MBD5: variants seen among roughly 807,000 people sequenced by gnomAD.
MBD5 encodes the protein methyl-CpG-binding domain protein 5.
Under a neutral mutation model 117.3 loss-of-function variants are expected in MBD5, and 13 were observed. That is an observed-to-expected ratio of 0.11 (90% CI 0.07 to 0.18). MBD5 has a LOEUF of 0.18. MBD5 is among the 10% of genes least tolerant of loss of function. The probability of loss-of-function intolerance (pLI) is 1.00; values close to 1 mark genes in which losing one functional copy is unlikely to be tolerated. For synonymous variants in MBD5, 727 were observed against 766.4 expected (o/e 0.95, Z 0.85); for missense variants, 1,879 against 2,093.8 (o/e 0.90, Z 2.00).
At chr2:148,337,205 A>G (rs1165660321) in intron 3 of MBD5, among the ~76,000 whole-genome samples, 3 of 152,112 alleles carry the variant, frequency 2.0e-5, no homozygotes, top group Non-Finnish European at 4.4e-5. Flanking sequence ...ATTTATTTGC[A>G]TGAGAAAACA....
chr2:148,321,023 A>G (rs1702269669), intron 3 of MBD5, among the ~76,000 whole-genome samples: 1 of 152,204 alleles, frequency 6.6e-6, no homozygotes. Context: ...GGAAACTAAA[A>G]AAATTTTTCA....
intron 4 of MBD5, among the ~76,000 whole-genome samples, chr2:148,434,786 C>G (rs114667889): frequency 0.014 from 2,185 of 152,116 alleles, 48 homozygotes; most frequent in African/African-American, 0.05. Flanking sequence ...GTCAAGAGTC[C>G]AGTTCAAGTT....
intron 4 of MBD5, among the ~76,000 whole-genome samples, chr2:148,404,709 A>G (rs1256043488): frequency 6.6e-6 from 1 of 152,112 alleles, no homozygotes; most frequent in Non-Finnish European, 1.5e-5. Flanking sequence ...CCTGCTGTCC[A>G]TTGTCTTAAA....
At chr2:148,364,605 C>T (rs776795921) in intron 4 of MBD5, among the ~76,000 whole-genome samples, 3 of 152,062 alleles carry the variant, frequency 2.0e-5, no homozygotes, top group Admixed American at 6.6e-5. Flanking sequence ...CCATCTCACA[C>T]GCAAAGACAC....
At chr2:148,113,703 C>A (rs1696554109) in intron 1 of MBD5, among the ~76,000 whole-genome samples, 1 of 152,030 alleles carries the variant, frequency 6.6e-6, no homozygotes, top group South Asian at 2.1e-4. Flanking sequence ...TTTTTTTCCT[C>A]TTTGTAAATA....
intron 3 of MBD5, among the ~76,000 whole-genome samples, chr2:148,275,076 G>T (rs970711355): frequency 6.6e-6 from 1 of 152,024 alleles, no homozygotes; most frequent in African/African-American, 2.4e-5. Context: ...ATGTTAATCT[G>T]ATTATTTTTT....
intron 1 of MBD5, among the ~76,000 whole-genome samples, chr2:148,047,585 G>A (rs1694567044): frequency 6.6e-6 from 1 of 152,180 alleles, no homozygotes; most frequent in Non-Finnish European, 1.5e-5. Flanking sequence ...TGCCACACAG[G>A]CACTAGGGGT....
intron 3 of MBD5, among the ~76,000 whole-genome samples, chr2:148,339,257 T>TA (rs1367266868): frequency 1.3e-5 from 2 of 152,112 alleles, no homozygotes; most frequent in South Asian, 2.1e-4. Context: ...ATACATGATC[T>TA]AAAAAAATCT....
chr2:148,383,891 C>T (rs1185329900), intron 4 of MBD5, among the ~76,000 whole-genome samples: 1 of 152,108 alleles, frequency 6.6e-6, no homozygotes, highest in Non-Finnish European at 1.5e-5. Flanking sequence ...GTAGAAAAGG[C>T]CTTTGACAAA....
chr2:148,154,820 C>G (rs933537351), intron 1 of MBD5, among the ~76,000 whole-genome samples: 4 of 152,156 alleles, frequency 2.6e-5, no homozygotes, highest in Non-Finnish European at 4.4e-5. Context: ...CACTGACCTG[C>G]GCCCACTGTC....
At chr2:148,454,695 T>C (rs569065612) in intron 4 of MBD5, among the ~76,000 whole-genome samples, 1 of 152,286 alleles carries the variant, frequency 6.6e-6, no homozygotes, top group South Asian at 2.1e-4. Flanking sequence ...TTTAACTTCA[T>C]CTGTAATGTT....
At chr2:148,387,554 G>A (rs952483143) in intron 4 of MBD5, among the ~76,000 whole-genome samples, 31 of 151,986 alleles carry the variant, frequency 2.0e-4, no homozygotes, top group African/African-American at 7.2e-4. Context: ...GAAATACAAA[G>A]TATAAGCATT....
chr2:148,339,305 C>T (rs1702879521), intron 3 of MBD5, among the ~76,000 whole-genome samples: 1 of 152,044 alleles, frequency 6.6e-6, no homozygotes, highest in South Asian at 2.1e-4. Flanking sequence ...GGCTGTTCTT[C>T]CCCTTTCCCA....
At chr2:148,476,288 A>C (rs1297385316) in intron 8 of MBD5, among the ~76,000 whole-genome samples, 1 of 152,158 alleles carries the variant, frequency 6.6e-6, no homozygotes, top group Non-Finnish European at 1.5e-5. Flanking sequence ...CTAAAGCAGT[A>C]TTTTTCAGCT....
intron 1 of MBD5, among the ~76,000 whole-genome samples, chr2:148,037,653 G>T (rs555452065): frequency 1.3e-5 from 2 of 152,052 alleles, no homozygotes; most frequent in East Asian, 3.9e-4. Context: ...AACAGAATGT[G>T]CAGTGTATTC....
At chr2:148,262,156 G>GA (rs138388211) in intron 3 of MBD5, among the ~76,000 whole-genome samples, 19,099 of 152,012 alleles carry the variant, frequency 0.13, 1,459 homozygotes, top group Non-Finnish European at 0.18. Context: ...CATGCTGTGG[G>GA]AAAAAATGGC....
At chr2:148,304,169 A>C (rs1240161822) in intron 3 of MBD5, among the ~76,000 whole-genome samples, 1 of 152,230 alleles carries the variant, frequency 6.6e-6, no homozygotes, top group Non-Finnish European at 1.5e-5. Flanking sequence ...TAACACTTAA[A>C]CAGTATTTAC....
intron 4 of MBD5, among the ~76,000 whole-genome samples, chr2:148,391,872 A>AT (rs1704580507): frequency 6.6e-6 from 1 of 152,222 alleles, no homozygotes; most frequent in African/African-American, 2.4e-5. Flanking sequence ...GAACAAAGAT[A>AT]TACAACATGT....
At chr2:148,268,318 G>A (rs186226356) in intron 3 of MBD5, among the ~76,000 whole-genome samples, 137 of 151,928 alleles carry the variant, frequency 9.0e-4, no homozygotes, top group African/African-American at 3.2e-3. Flanking sequence ...CTAATCTCAC[G>A]CAATCCCCCC....
Sources: gnomAD v4.1 joint callset for allele counts (sites outside exome capture counted in the v4.1 genomes callset) on GRCh38, gnomAD v4.1.1 for gene constraint, MANE v1.5 for transcripts, NCBI Gene and HGNC (gene_info 2026-07-23, HGNC 2026-07-21) for gene names.